MLLT10: variants seen among roughly 807,000 people sequenced by gnomAD.
The protein encoded by MLLT10 is protein AF-10.
In MLLT10, 30 loss-of-function variants were observed where a neutral mutation model predicts 129.1. The observed-to-expected ratio is 0.23, with a 90% confidence interval of 0.17 to 0.32. The LOEUF (loss-of-function observed/expected upper bound fraction) is 0.32, where lower values mean the gene tolerates loss of function less well. Among genes scored for constraint, MLLT10 ranks in the 10% least tolerant of loss-of-function variants. MLLT10 has a pLI of 1.00. For synonymous variants in MLLT10, 490 were observed against 446.4 expected (o/e 1.10, Z -1.23); for missense variants, 1,119 against 1,268.3 (o/e 0.88, Z 1.79).
chr10:21,670,413 A>T, intron 9 of MLLT10, 36 bp from the exon 10 acceptor site: 2 of 1,566,196 alleles, frequency 1.3e-6, no homozygotes, highest in Non-Finnish European at 1.7e-6. Flanking sequence ...AATGTAATCA[A>T]CTCTTTTTCC....
intron 3 of MLLT10, among the ~76,000 whole-genome samples, chr10:21,572,717 A>T (rs1488224615): frequency 6.6e-6 from 1 of 151,906 alleles, no homozygotes; most frequent in African/African-American, 2.4e-5. Flanking sequence ...GGTTCAGACA[A>T]TTCTCCTGCC....
chr10:21,618,216 A>G (rs1048820282), intron 8 of MLLT10, among the ~76,000 whole-genome samples: 1 of 152,168 alleles, frequency 6.6e-6, no homozygotes, highest in African/African-American at 2.4e-5. Context: ...TAATTGTTTA[A>G]AAACATTTTG....
At chr10:21,667,180 C>T (rs1171299676) in intron 9 of MLLT10, among the ~76,000 whole-genome samples, 1 of 151,972 alleles carries the variant, frequency 6.6e-6, no homozygotes, top group Non-Finnish European at 1.5e-5. Context: ...ATTTTGCTTT[C>T]ATTCTTAATC....
At chr10:21,707,232 G>A (rs924499576) in intron 13 of MLLT10, among the ~76,000 whole-genome samples, 2 of 121,886 alleles carry the variant, frequency 1.6e-5, no homozygotes, top group African/African-American at 6.5e-5. Context: ...TCGCTCTGTT[G>A]CCCAGGCTGG....
intron 9 of MLLT10, among the ~76,000 whole-genome samples, chr10:21,659,905 C>T (rs916358249): frequency 6.6e-6 from 1 of 152,110 alleles, no homozygotes; most frequent in Non-Finnish European, 1.5e-5. Context: ...GAGCTTACCA[C>T]AGTGATGATT....
At chr10:21,738,983 A>G (rs547279044) in intron 21 of MLLT10, among the ~76,000 whole-genome samples, 2 of 152,286 alleles carry the variant, frequency 1.3e-5, no homozygotes, top group African/African-American at 4.8e-5. Context: ...CTCCGCTGGC[A>G]TATCTTAAAA....
intron 18 of MLLT10, among the ~76,000 whole-genome samples, chr10:21,733,289 A>T (rs531455500): frequency 6.6e-6 from 1 of 152,330 alleles, no homozygotes; most frequent in African/African-American, 2.4e-5. Flanking sequence ...GGTAAAATTT[A>T]CTTAAATGTC....
chr10:21,629,061 A>G (rs1360343429), intron 8 of MLLT10, among the ~76,000 whole-genome samples: 1 of 151,136 alleles, frequency 6.6e-6, no homozygotes, highest in Non-Finnish European at 1.5e-5. Context: ...GATATTCTCT[A>G]AGATGACTTA....
At chr10:21,689,598 G>GTT (rs2053641571) in intron 13 of MLLT10, among the ~76,000 whole-genome samples, 2 of 122,132 alleles carry the variant, frequency 1.6e-5, no homozygotes, top group Non-Finnish European at 3.4e-5. Flanking sequence ...TAGCGTGTGT[G>GTT]TTTTATATAT....
Position 21,617,127 on chromosome 10 carries a change from G to A in MLLT10, c.619G>A (p.Gly207Arg). The change falls in exon 8 of 23, where the codon GGA (glycine) becomes AGA (arginine). Residue 207 changes from glycine to arginine, a missense_variant. Coordinates refer to ENST00000307729, the MANE Select transcript of MLLT10 (RefSeq NM_001195626.3). ...HFSKLKKSKR[G>R]SNRSYDQSLS... ...TCTTTTTTAGAAAAAGAGCAAACGG[G>A]GATCTAATAGGTCATATGATCAAAG... 3 of 1,511,074 alleles carry A rather than the reference G, an allele frequency of 2.0e-6. No individual in the cohort carries two copies. The highest frequency in any genetic ancestry group is 2.7e-6 in the Non-Finnish European group (3 of 1,124,182). 93.6% of individuals were successfully genotyped at this position (1,511,074 alleles called of 1,614,324 possible). A position where few individuals can be genotyped will look rare whatever the true frequency, so the allele number is the denominator to read the frequency against.
intron 4 of MLLT10, among the ~76,000 whole-genome samples, chr10:21,592,911 T>C (rs1478911415): frequency 6.6e-6 from 1 of 152,230 alleles, no homozygotes; most frequent in Non-Finnish European, 1.5e-5. Context: ...ATTTTCTTTC[T>C]CATATTTTCT....
chr10:21,742,061 C>CA lies in MLLT10; in HGVS notation c.*79dup. On this transcript the variant is annotated 3_prime_UTR_variant, in exon 23 of 23. Transcript: ENST00000307729. ...GGCTGCCTTTGCAGTCCTTTTACTA[C>CA]AGCTATGAAGAAACGCAACAAGAAA... is the stretch of plus-strand genomic sequence containing the variant. The CA allele has an allele frequency of 7.5e-7, 1 of 1,327,626 alleles. No individual in the cohort carries two copies. The highest frequency in any genetic ancestry group is 1.1e-6 in the Non-Finnish European group (1 of 931,502). The allele number at this position is 1,327,626 out of a possible 1,614,324, so 82.2% of individuals were successfully genotyped here.
At chr10:21,557,312 T>C (rs762951862) in intron 3 of MLLT10, 3 of 431,772 alleles carry the variant, frequency 6.9e-6, no homozygotes, top group African/African-American at 2.1e-5. Context: ...GTCCATTTTG[T>C]TCTTCAGTGA....
intron 4 of MLLT10, among the ~76,000 whole-genome samples, 160 bp from the exon 5 acceptor site, chr10:21,595,171 G>A (rs1422799011): frequency 6.6e-6 from 1 of 152,092 alleles, no homozygotes. Flanking sequence ...AGTGGTTTGA[G>A]TATTCTCAAG....
chr10:21,548,964 G>T (rs937598360), intron 3 of MLLT10, among the ~76,000 whole-genome samples: 1 of 151,978 alleles, frequency 6.6e-6, no homozygotes, highest in African/African-American at 2.4e-5. Flanking sequence ...TTGACTGCAG[G>T]CTAATCTTCA....
chr10:21,725,168 C>T (rs2057393010), intron 14 of MLLT10, among the ~76,000 whole-genome samples: 1 of 152,204 alleles, frequency 6.6e-6, no homozygotes, highest in South Asian at 2.1e-4. Context: ...AATGGAAATA[C>T]AGCTCCCTGT....
chr10:21,614,854 G>A lies in MLLT10; in HGVS notation c.533G>A (p.Cys178Tyr). The change falls in exon 7 of 23, where the codon TGT becomes TAT. Residue 178 changes from cysteine to tyrosine, a missense_variant. This residue lies in a region of MLLT10 where 44 missense variants were observed against 114.3 expected (regional missense o/e 0.38). Transcript: ENST00000307729. The part of the protein sequence containing the change: ...VTCAQFAGLL[C>Y]EEEGNGADNV... ...AGCGCTCAGTTTGCCGGACTGCTTT[G>A]TGAAGAAGAAGGTAATGGTGCCGAT... The A allele has an allele frequency of 6.2e-7, 1 of 1,612,700 alleles. No homozygotes were observed. Among genetic ancestry groups the A allele is most frequent in the Non-Finnish European group, 8.5e-7 (1 of 1,179,660 alleles).
chr10:21,686,819 T>C (rs958186036), intron 13 of MLLT10, among the ~76,000 whole-genome samples: 4 of 152,070 alleles, frequency 2.6e-5, no homozygotes, highest in Non-Finnish European at 5.9e-5. Flanking sequence ...CCTTGTCTAC[T>C]AAAAATACAA....
At chr10:21,706,338 T>G (rs1441064076) in intron 13 of MLLT10, among the ~76,000 whole-genome samples, 1 of 152,208 alleles carries the variant, frequency 6.6e-6, no homozygotes, top group Non-Finnish European at 1.5e-5. Flanking sequence ...GAGGACAATA[T>G]TAGTATATGC....
Sources: gnomAD v4.1 joint callset for allele counts (sites outside exome capture counted in the v4.1 genomes callset) on GRCh38, gnomAD v4.1.1 for gene constraint, gnomAD v4.1.1 regional missense constraint, MANE v1.5 for transcripts, NCBI Gene and HGNC (gene_info 2026-07-23, HGNC 2026-07-21) for gene names.